The following MAPK10 variants were observed in gnomAD, a reference collection of about 807,000 sequenced individuals.
MAPK10 encodes JNK3 alpha protein kinase.
Under a neutral mutation model 59.3 loss-of-function variants are expected in MAPK10, and 25 were observed. That is an observed-to-expected ratio of 0.42 (90% CI 0.31 to 0.59). The LOEUF (loss-of-function observed/expected upper bound fraction) is 0.59. Ranked by LOEUF, MAPK10 falls within the 20% of genes least tolerant of loss-of-function variation. The probability of loss-of-function intolerance (pLI) is 0.15; values close to 1 mark genes in which losing one functional copy is unlikely to be tolerated. For synonymous variants in MAPK10, 190 were observed against 200.5 expected, an observed-to-expected ratio of 0.95 and a Z score of 0.44; for missense variants, 351 against 568.9, an observed-to-expected ratio of 0.62 and a Z score of 3.90.
At chr4:86,515,236 T>C (rs934633818) in intron 1 of MAPK10, among the ~76,000 whole-genome samples, 3 of 152,226 alleles carry the variant, frequency 2.0e-5, no homozygotes, top group Admixed American at 6.5e-5. Flanking sequence ...CACTCTTTGG[T>C]TGATAGGCAT....
At chr4:86,457,414 A>G (rs1751331191), upstream of MAPK10, among the ~76,000 whole-genome samples, 1 of 152,046 alleles carries the variant, frequency 6.6e-6, no homozygotes, top group Non-Finnish European at 1.5e-5. Flanking sequence ...AACCCTAAAG[A>G]CTCCTCCAGA....
At chr4:86,516,722 T>C (rs1048274638) in intron 1 of MAPK10, among the ~76,000 whole-genome samples, 3 of 152,160 alleles carry the variant, frequency 2.0e-5, no homozygotes, top group Admixed American at 6.5e-5. Flanking sequence ...TTGGTCACTG[T>C]TGGTGTATAG....
intron 1 of MAPK10, among the ~76,000 whole-genome samples, chr4:86,524,208 A>G (rs1757311396): frequency 6.6e-6 from 1 of 152,202 alleles, no homozygotes. Context: ...TCAGAATCAT[A>G]AGAAAAATAA....
chr4:86,116,671 G>A (rs1259731053), intron 4 of MAPK10, among the ~76,000 whole-genome samples: 2 of 152,182 alleles, frequency 1.3e-5, no homozygotes, highest in African/African-American at 4.8e-5. Flanking sequence ...CCTCTGTCTG[G>A]TACTTCCTCC....
rs544445130 is a variant in MAPK10 at position 86,325,799 on chromosome 4, T to C, written c.-7+28731A>G. ...GTAATACATATGTGTTAGTATCAAA[T>C]AGGATAAATTATACACAAAGAAAAT... On this transcript the variant is annotated intron_variant, in intron 2 of 13. Transcript: ENST00000641462. The C allele has an allele frequency of 2.0e-5, 3 of 152,306 alleles. No individual in the cohort carries two copies. The East Asian group carries it at 5.8e-4, about 29-fold the overall frequency. The allele number at this position is 152,306 out of a possible 1,614,324, so 9.4% of individuals were successfully genotyped here. A position where few individuals can be genotyped will look rare whatever the true frequency, so the allele number is the denominator to read the frequency against.
chr4:86,018,589 A>T (rs927247286), intron 13 of MAPK10, among the ~76,000 whole-genome samples: 2 of 152,252 alleles, frequency 1.3e-5, no homozygotes, highest in Non-Finnish European at 2.9e-5. Flanking sequence ...TTTGAGATCA[A>T]CAAAAGAAAG....
intron 9 of MAPK10, among the ~76,000 whole-genome samples, chr4:86,072,020 A>G (rs1328878425): frequency 1.4e-5 from 2 of 139,656 alleles, no homozygotes; most frequent in Admixed American, 7.0e-5. Flanking sequence ...CTTCCTACCC[A>G]TGAGCATGGA....
chr4:86,507,387 T>A (rs1755818917), intron 1 of MAPK10, among the ~76,000 whole-genome samples: 2 of 151,360 alleles, frequency 1.3e-5, no homozygotes, highest in South Asian at 4.2e-4. Context: ...AAAAACCCCT[T>A]TCATTGCGAC....
intron 11 of MAPK10, among the ~76,000 whole-genome samples, chr4:86,046,963 A>T (rs2042609125): frequency 6.6e-6 from 1 of 152,156 alleles, no homozygotes; most frequent in Non-Finnish European, 1.5e-5. Flanking sequence ...ATAATGTCAA[A>T]CAGTGACACA....
rs756676363 is a variant in MAPK10 at position 86,507,655 on chromosome 4, T to TACAC, written c.-263+86254_-263+86255insGTGT. Among the ~76,000 whole-genome samples the TACAC allele has an allele frequency of 7.3e-4, 52 of 71,268 alleles. 6 individuals carry two copies. The highest frequency in any genetic ancestry group is 3.8e-3 in the East Asian group (8 of 2,080). The allele number at this position is 71,268 out of a possible 152,430, so 46.8% of individuals were successfully genotyped here. On this transcript the variant is annotated intron_variant, in intron 1 of 4. Transcript: ENST00000502302. The stretch of plus-strand genomic sequence containing the variant: ...ATATATATATATATATATATATATA[T>TACAC]ATATATATATATATATAAAATCATG...
intron 9 of MAPK10, among the ~76,000 whole-genome samples, chr4:86,078,422 T>C (rs1011689372): frequency 3.3e-5 from 5 of 152,110 alleles, no homozygotes; most frequent in Admixed American, 3.3e-4. Flanking sequence ...TGCAGTCTCC[T>C]AGTAGAGGGA....
intron 2 of MAPK10, among the ~76,000 whole-genome samples, chr4:86,336,900 C>G (rs973765586): frequency 6.7e-6 from 1 of 148,586 alleles, no homozygotes; most frequent in Non-Finnish European, 1.5e-5. Context: ...ACACCATTCT[C>G]CTGCCTCAGC....
intron 13 of MAPK10, chr4:86,025,005 A>T (rs1000028096): frequency 6.6e-6 from 1 of 152,368 alleles, no homozygotes; most frequent in Admixed American, 6.5e-5. Flanking sequence ...AAAAGTTCCC[A>T]TGACATCTGC....
At chr4:86,141,793 T>G (rs2063703533) in intron 4 of MAPK10, among the ~76,000 whole-genome samples, 1 of 152,216 alleles carries the variant, frequency 6.6e-6, no homozygotes, top group Admixed American at 6.5e-5. Context: ...CCTATCTTAG[T>G]CCATTTTGTG....
In MAPK10 at chr4:86,416,907, CTCTT is replaced by C. The variant is rs1745930283; in HGVS notation, c.-122+36119_-122+36122del. ...TCCCCCCACCATCTCAAGAGCCTCT[CTCTT>C]AAGAACCTGCTGCTGGAATTGTCAC... On this transcript the variant is annotated intron_variant, in intron 1 of 13. Coordinates refer to the MAPK10 transcript ENST00000361569. Among the ~76,000 whole-genome samples the C allele has an allele frequency of 5.3e-5, 8 of 152,294 alleles. No homozygotes were observed. The South Asian group carries it at 1.7e-3, about 32-fold the overall frequency.
rs570892563 is a variant in MAPK10, at chr4:86,195,395, T to TTTTTATGTTATGTGTTAACATA, written c.-6-989_-6-988insTATGTTAACACATAACATAAAA. On this transcript the variant is annotated intron_variant, in intron 2 of 13. Coordinates refer to ENST00000641462, the MANE Select transcript of MAPK10 (RefSeq NM_138982.4). ...AATCCCTAAAAATGTTAACATAAAA[T>TTTTTATGTTATGTGTTAACATA]ACACAAAACATCTTTCAGAATGCAT... is the stretch of plus-strand genomic sequence containing the variant. 5.5e-3 allele frequency among the ~76,000 whole-genome samples: 841 copies of TTTTTATGTTATGTGTTAACATA among 152,154 alleles called. 5 individuals carry two copies. Among genetic ancestry groups the TTTTTATGTTATGTGTTAACATA allele is most frequent in the African/African-American group, 0.019 (772 of 41,516 alleles).
intron 2 of MAPK10, among the ~76,000 whole-genome samples, chr4:86,235,487 G>A (rs1378180667): frequency 6.6e-6 from 1 of 152,110 alleles, no homozygotes; most frequent in Admixed American, 6.5e-5. Context: ...TATGCTTTGT[G>A]CTCTTTCCTG....
chr4:86,465,277 T>C (rs1056562241), intron 1 of MAPK10, among the ~76,000 whole-genome samples: 5 of 152,228 alleles, frequency 3.3e-5, no homozygotes, highest in African/African-American at 1.2e-4. Flanking sequence ...GTGATGGGCA[T>C]TCCAGCTTCT....
intron 2 of MAPK10, among the ~76,000 whole-genome samples, chr4:86,305,044 C>T (rs902808380): frequency 6.6e-6 from 1 of 152,098 alleles, no homozygotes; most frequent in African/African-American, 2.4e-5. Flanking sequence ...AATTAAAATA[C>T]TAGTAATACC....
Sources: allele counts gnomAD v4.1 joint callset (sites outside exome capture counted in the v4.1 genomes callset), GRCh38; gene constraint gnomAD v4.1.1; transcripts MANE v1.5; gene names NCBI Gene and HGNC (gene_info 2026-07-23, HGNC 2026-07-21).